PRICKLE1: variants seen among roughly 807,000 people sequenced by gnomAD.
PRICKLE1 encodes the protein prickle planar cell polarity protein 1.
A neutral mutation model predicts 70.2 loss-of-function variants in PRICKLE1; 14 were observed. The observed-to-expected ratio is 0.20, with a 90% confidence interval of 0.13 to 0.31. The LOEUF (loss-of-function observed/expected upper bound fraction) is 0.31. PRICKLE1 is among the 10% of genes least tolerant of loss of function. The probability of loss-of-function intolerance (pLI) is 1.00; values close to 1 mark genes in which losing one functional copy is unlikely to be tolerated. For synonymous variants in PRICKLE1, 357 were observed against 379.9 expected, an observed-to-expected ratio of 0.94 and a Z score of 0.70; for missense variants, 821 against 1,026.2, an observed-to-expected ratio of 0.80 and a Z score of 2.73.
intron 1 of PRICKLE1, among the ~76,000 whole-genome samples, chr12:42,540,639 T>A (rs1940095493): frequency 6.6e-6 from 1 of 152,168 alleles, no homozygotes; most frequent in Non-Finnish European, 1.5e-5. Flanking sequence ...CTTGGCTCGC[T>A]GTAACCTCCG....
chr12:42,475,563 C>T (rs553719378), intron 1 of PRICKLE1, among the ~76,000 whole-genome samples: 3 of 152,228 alleles, frequency 2.0e-5, no homozygotes, highest in East Asian at 1.9e-4. Flanking sequence ...ATCAGCCAAG[C>T]TACCTGCGCT....
At chr12:42,525,867 T>G (rs1448840171) in intron 1 of PRICKLE1, among the ~76,000 whole-genome samples, 2 of 152,174 alleles carry the variant, frequency 1.3e-5, no homozygotes, top group African/African-American at 4.8e-5. Flanking sequence ...CAAAGCACCA[T>G]GTTTGCCACA....
At chr12:42,478,253 A>C (rs1938647834) in intron 1 of PRICKLE1, among the ~76,000 whole-genome samples, 1 of 152,182 alleles carries the variant, frequency 6.6e-6, no homozygotes, top group Non-Finnish European at 1.5e-5. Flanking sequence ...CTTGGTCTTA[A>C]AATGCTGTAG....
intron 1 of PRICKLE1, among the ~76,000 whole-genome samples, chr12:42,532,860 G>GCC (rs1939945247): frequency 6.8e-6 from 1 of 147,876 alleles, no homozygotes; most frequent in South Asian, 2.1e-4. Context: ...TCGTGTCACT[G>GCC]CACTCCAGCC....
chr12:42,470,767 G>A (rs568822321), intron 2 of PRICKLE1, among the ~76,000 whole-genome samples: 6 of 152,214 alleles, frequency 3.9e-5, no homozygotes, highest in South Asian at 2.1e-4. Flanking sequence ...TTAGCTGGGC[G>A]TGGTGATGCA....
At chr12:42,473,974 T>C (rs1258128040) in intron 1 of PRICKLE1, among the ~76,000 whole-genome samples, 1 of 152,160 alleles carries the variant, frequency 6.6e-6, no homozygotes, top group Non-Finnish European at 1.5e-5. Context: ...ATACTACCTA[T>C]TAAAACCTTT....
intron 1 of PRICKLE1, 70 bp from the exon 2 acceptor site, chr12:42,472,634 G>T: frequency 7.7e-7 from 1 of 1,304,030 alleles, no homozygotes; most frequent in Non-Finnish European, 1.1e-6. Context: ...CCGACCCAGA[G>T]CTTTTATTGA....
intron 1 of PRICKLE1, among the ~76,000 whole-genome samples, chr12:42,485,127 T>C (rs548201695): frequency 3.4e-4 from 52 of 152,172 alleles, no homozygotes; most frequent in African/African-American, 1.3e-3. Flanking sequence ...CAATAGCTCA[T>C]TGTAACTGTG....
intron 1 of PRICKLE1, among the ~76,000 whole-genome samples, chr12:42,514,720 C>T (rs1018234735): frequency 6.6e-6 from 1 of 152,002 alleles, no homozygotes. Context: ...ATTATACAAG[C>T]ACATCGTTTA....
intron 1 of PRICKLE1, among the ~76,000 whole-genome samples, chr12:42,532,664 G>A (rs1271730944): frequency 5.3e-5 from 8 of 152,156 alleles, no homozygotes; most frequent in Non-Finnish European, 8.8e-5. Flanking sequence ...TTGGGAGGCT[G>A]AGGCGGGCGG....
At chr12:42,516,167 TG>T (rs1391740757) in intron 1 of PRICKLE1, among the ~76,000 whole-genome samples, 1 of 152,130 alleles carries the variant, frequency 6.6e-6, no homozygotes, top group African/African-American at 2.4e-5. Flanking sequence ...AGTCTCGCTC[TG>T]TCGCTCAGGC....
At chr12:42,573,081 A>C (rs1156820378) in intron 1 of PRICKLE1, among the ~76,000 whole-genome samples, 2 of 152,166 alleles carry the variant, frequency 1.3e-5, no homozygotes, top group Non-Finnish European at 2.9e-5. Context: ...GTTTCAGCCT[A>C]AACAAACTTA....
At chr12:42,535,678 G>C (rs1472981554) in intron 1 of PRICKLE1, among the ~76,000 whole-genome samples, 1 of 152,210 alleles carries the variant, frequency 6.6e-6, no homozygotes, top group South Asian at 2.1e-4. Flanking sequence ...CAGCTATTGG[G>C]GAGGTCGAGG....
chr12:42,496,004 T>C (rs922226571), intron 1 of PRICKLE1, among the ~76,000 whole-genome samples: 1 of 152,264 alleles, frequency 6.6e-6, no homozygotes, highest in Non-Finnish European at 1.5e-5. Context: ...TAATGGCATC[T>C]GGAGTGGTAA....
rs1937667452 is a variant in PRICKLE1, at chr12:42,458,685, C to T, written c.*1124G>A. 1 of 152,186 alleles carries T rather than the reference C, an allele frequency of 6.6e-6. No individual in the cohort carries two copies. The highest frequency in any genetic ancestry group is 6.5e-5 in the Admixed American group (1 of 15,278). 9.4% of individuals were successfully genotyped at this position (152,186 alleles called of 1,614,324 possible). ...CTTAAAATAACAAATCTACAAAGTCCTCTGCCACAAAAGCAGATCTTTGTC... is the reference window on the plus strand; with the variant it reads ...CTTAAAATAACAAATCTACAAAGTCTTCTGCCACAAAAGCAGATCTTTGTC... On this transcript the variant is annotated 3_prime_UTR_variant, in exon 8 of 8. Coordinates refer to ENST00000345127, the MANE Select transcript of PRICKLE1 (RefSeq NM_153026.3).
intron 1 of PRICKLE1, among the ~76,000 whole-genome samples, chr12:42,475,199 T>TC (rs1420830890): frequency 1.7e-4 from 26 of 152,238 alleles, no homozygotes; most frequent in Non-Finnish European, 3.5e-4. Context: ...GGATTGACTG[T>TC]CATTCATGCA....
At chr12:42,556,303 C>T (rs1940412105) in intron 1 of PRICKLE1, among the ~76,000 whole-genome samples, 1 of 152,216 alleles carries the variant, frequency 6.6e-6, no homozygotes, top group African/African-American at 2.4e-5. Flanking sequence ...AGACCTGGCT[C>T]CTCCCCTTTG....
chr12:42,492,024 C>A (rs2140171561), intron 1 of PRICKLE1, among the ~76,000 whole-genome samples: 1 of 151,880 alleles, frequency 6.6e-6, no homozygotes, highest in East Asian at 1.9e-4. Context: ...GACCTAATGA[C>A]CTGCCTGTCT....
intron 1 of PRICKLE1, among the ~76,000 whole-genome samples, chr12:42,551,608 G>A (rs1246732635): frequency 2.6e-5 from 4 of 152,160 alleles, no homozygotes; most frequent in Non-Finnish European, 5.9e-5. Flanking sequence ...TCTGTATGAT[G>A]GCAAATAAAT....
Sources: gnomAD v4.1 joint callset for allele counts (sites outside exome capture counted in the v4.1 genomes callset) on GRCh38, gnomAD v4.1.1 for gene constraint, MANE v1.5 for transcripts, NCBI Gene and HGNC (gene_info 2026-07-23, HGNC 2026-07-21) for gene names.